Variants in HECW2 observed in about 807,000 individuals in gnomAD.
HECW2 encodes the protein E3 ubiquitin-protein ligase HECW2.
A neutral mutation model predicts 175.2 loss-of-function variants in HECW2; 61 were observed. The ratio of observed to expected loss-of-function variants is 0.35; its 90% confidence interval spans 0.28 to 0.43. HECW2 has a LOEUF of 0.43. Among genes scored for constraint, HECW2 ranks in the 20% least tolerant of loss-of-function variants. The pLI is 1.00. For missense variants in HECW2, 1,524 were observed against 2,000.5 expected (o/e 0.76, Z 4.54); for synonymous variants, 671 against 731.0 (o/e 0.92, Z 1.32).
chr2:196,395,745 G>C (rs1209574722), intron 2 of HECW2, among the ~76,000 whole-genome samples: 1 of 151,744 alleles, frequency 6.6e-6, no homozygotes, highest in African/African-American at 2.4e-5. Flanking sequence ...TGTTAGTGAG[G>C]ATGTGGAGAA....
At chr2:196,258,152 T>C (rs1689139097) in intron 17 of HECW2, 1 of 484,970 alleles carries the variant, frequency 2.1e-6, no homozygotes, top group East Asian at 3.5e-5. Context: ...TTCACTGGCT[T>C]CATCATTTTG....
intron 19 of HECW2, chr2:196,242,405 G>T (rs544172982): frequency 1.2e-5 from 7 of 589,920 alleles, no homozygotes; most frequent in East Asian, 8.9e-5. Context: ...GTGGCATTTT[G>T]GTTGAGAATA....
chr2:196,350,478 A>T (rs1403490248), intron 2 of HECW2, among the ~76,000 whole-genome samples: 2 of 152,224 alleles, frequency 1.3e-5, no homozygotes, highest in African/African-American at 4.8e-5. Context: ...CCCCAACCAG[A>T]TGATTCAGAT....
chr2:196,509,820 C>T (rs1687884595), intron 1 of HECW2, among the ~76,000 whole-genome samples: 1 of 152,196 alleles, frequency 6.6e-6, no homozygotes, highest in Non-Finnish European at 1.5e-5. Flanking sequence ...TTGTAGGCTT[C>T]CATTCAATCC....
chr2:196,442,656 T>C (rs1451955152), intron 1 of HECW2, among the ~76,000 whole-genome samples: 1 of 152,212 alleles, frequency 6.6e-6, no homozygotes, highest in Admixed American at 6.5e-5. Context: ...GGGAATTTGT[T>C]CATGCTATAA....
intron 6 of HECW2, among the ~76,000 whole-genome samples, chr2:196,324,378 G>A (rs186586776): frequency 3.2e-4 from 49 of 152,170 alleles, no homozygotes; most frequent in African/African-American, 1.1e-3. Context: ...TAAGATGACT[G>A]GTAGCATACT....
At chr2:196,474,494 G>C (rs1467505570) in intron 1 of HECW2, among the ~76,000 whole-genome samples, 2 of 152,126 alleles carry the variant, frequency 1.3e-5, no homozygotes, top group Non-Finnish European at 2.9e-5. Context: ...CTCCCACCAG[G>C]CAGGCAAAAG....
At chr2:196,273,049 A>ATTTTTTTTTTTTTTTTTTTTTTTTTT (rs778348590) in intron 16 of HECW2, among the ~76,000 whole-genome samples, 6 of 113,140 alleles carry the variant, frequency 5.3e-5, no homozygotes, top group African/African-American at 1.2e-4. Context: ...AGCTGGTCTA[A>ATTTTTTTTTTTTTTTTTTTTTTTTTT]TTTTTTTTTT....
At chr2:196,505,879 A>G (rs748242831) in intron 1 of HECW2, among the ~76,000 whole-genome samples, 16 of 152,230 alleles carry the variant, frequency 1.1e-4, no homozygotes, top group East Asian at 1.9e-4. Context: ...AGTCCCCCCA[A>G]CTGTGGAGTT....
intron 2 of HECW2, among the ~76,000 whole-genome samples, chr2:196,344,553 G>C (rs1263775394): frequency 6.6e-6 from 1 of 151,950 alleles, no homozygotes; most frequent in East Asian, 1.9e-4. Flanking sequence ...TCTGCCCCCA[G>C]CACCCTGAGG....
Position 196,215,990 on chromosome 2 carries a change from G to C in HECW2, c.4495-13C>G. On this transcript the variant is annotated splice_polypyrimidine_tract_variant and intron_variant, in intron 27 of 28. Transcript: ENST00000644978. ...TGCCTGTAACAAACTGTCAACCCAA[G>C]AAAACAGAAGGAGAAGGTGAAGCCA... The C allele has an allele frequency of 1.9e-6, 3 of 1,579,066 alleles. No homozygotes were observed. The highest frequency in any genetic ancestry group is 2.6e-6 in the Non-Finnish European group (3 of 1,148,692).
chr2:196,386,948 C>G (rs866858465), intron 2 of HECW2, among the ~76,000 whole-genome samples: 1 of 152,236 alleles, frequency 6.6e-6, no homozygotes, highest in Non-Finnish European at 1.5e-5. Flanking sequence ...TAGCTTATAA[C>G]AAGGCTATAA....
At position 196,522,644 on chromosome 2, in the gene HECW2, T is replaced by C. The variant is rs372592356; in HGVS notation, c.-36+70864A>G. ...GTTTAAATCTTTAATCCATCTTGAATTGATTTTTGTATAAGGTGTAAGGAA... is the reference window on the plus strand; with the variant it reads ...GTTTAAATCTTTAATCCATCTTGAACTGATTTTTGTATAAGGTGTAAGGAA... On this transcript the variant is annotated intron_variant, in intron 1 of 28. Coordinates refer to ENST00000644978, the MANE Select transcript of HECW2 (RefSeq NM_001348768.2). Among the ~76,000 whole-genome samples the C allele has an allele frequency of 5.5e-4, 83 of 151,968 alleles. No homozygotes were observed. The East Asian group carries it at 0.011, about 21-fold the overall frequency.
intron 2 of HECW2, among the ~76,000 whole-genome samples, chr2:196,407,085 GATA>G (rs1408934446): frequency 6.6e-6 from 1 of 152,082 alleles, no homozygotes; most frequent in Non-Finnish European, 1.5e-5. Context: ...ATAAATATTT[GATA>G]ATAAGTGCTT....
intron 13 of HECW2, among the ~76,000 whole-genome samples, chr2:196,306,275 C>A (rs1467820288): frequency 6.6e-6 from 1 of 152,194 alleles, no homozygotes; most frequent in Non-Finnish European, 1.5e-5. Flanking sequence ...ATAGGCCACC[C>A]AGCTTACAGT....
chr2:196,514,079 T>C (rs1380126433), intron 1 of HECW2, among the ~76,000 whole-genome samples: 1 of 152,178 alleles, frequency 6.6e-6, no homozygotes, highest in Non-Finnish European at 1.5e-5. Flanking sequence ...AGCCACCCCA[T>C]CAAGGGCTGC....
rs184071212 is a variant in HECW2 at position 196,431,827 on chromosome 2, G to T, written c.292+1305C>A. Among the ~76,000 whole-genome samples the T allele has an allele frequency of 2.1e-3, 322 of 152,194 alleles. 4 individuals are homozygous for T. The highest frequency in any genetic ancestry group is 7.4e-3 in the African/African-American group (308 of 41,518). On this transcript the variant is annotated intron_variant, in intron 2 of 28. Transcript: ENST00000644978. The stretch of plus-strand genomic sequence containing the variant: ...AGAGATAACAATTCATTAAAGCTTT[G>T]CCCAGTTTAGATTTTTTGCTTTCCA...
At chr2:196,527,703 T>G (rs1688716506) in intron 1 of HECW2, among the ~76,000 whole-genome samples, 1 of 152,242 alleles carries the variant, frequency 6.6e-6, no homozygotes, top group African/African-American at 2.4e-5. Flanking sequence ...TCTGCATGAA[T>G]TTTTAAAGTA....
intron 1 of HECW2, among the ~76,000 whole-genome samples, chr2:196,527,863 A>T (rs1037752863): frequency 2.0e-5 from 3 of 152,244 alleles, no homozygotes; most frequent in African/African-American, 7.2e-5. Flanking sequence ...TTAAAATTTT[A>T]TAAGCAGTCA....
Sources: allele counts gnomAD v4.1 joint callset (sites outside exome capture counted in the v4.1 genomes callset), GRCh38; gene constraint gnomAD v4.1.1; transcripts MANE v1.5; gene names NCBI Gene and HGNC (gene_info 2026-07-23, HGNC 2026-07-21).